SH3BP4: variants seen among roughly 807,000 people sequenced by gnomAD.
SH3BP4 encodes the protein SH3 domain-binding protein 4.
In SH3BP4, 33 loss-of-function variants were observed where a neutral mutation model predicts 65.5. That is an observed-to-expected ratio of 0.50 (90% CI 0.38 to 0.67). SH3BP4 has a LOEUF of 0.67. Among genes scored for constraint, SH3BP4 ranks in the 30% least tolerant of loss-of-function variants. The probability of loss-of-function intolerance (pLI) is 0.00; values close to 1 mark genes in which losing one functional copy is unlikely to be tolerated. For missense variants in SH3BP4, 1,134 were observed against 1,261.4 expected, an observed-to-expected ratio of 0.90 and a Z score of 1.53; for synonymous variants, 552 against 545.5, an observed-to-expected ratio of 1.01 and a Z score of -0.17.
At chr2:234,964,153 A>C (rs1692781588) in intron 1 of SH3BP4, among the ~76,000 whole-genome samples, 1 of 152,074 alleles carries the variant, frequency 6.6e-6, no homozygotes, top group Admixed American at 6.5e-5. Flanking sequence ...AACCCCAGCT[A>C]TGGGGATAAG....
At chr2:235,031,154 G>A (rs1317411116) in intron 2 of SH3BP4, among the ~76,000 whole-genome samples, 2 of 152,110 alleles carry the variant, frequency 1.3e-5, no homozygotes, top group Admixed American at 1.3e-4. Context: ...CCCTGGGAGT[G>A]GGACTTCCCT....
In SH3BP4 at chr2:235,034,463, A is replaced by T. The variant is rs1384866493; in HGVS notation, c.-132-408A>T. The stretch of plus-strand genomic sequence containing the variant: ...GACTGCCCCTGCGCTGGGATCAGCC[A>T]CTCTGAACAAGCAGAGGCCGATTTT... On this transcript the variant is annotated intron_variant, in intron 2 of 5. Coordinates refer to ENST00000392011, the MANE Select transcript of SH3BP4 (RefSeq NM_014521.3). This position sits in a 1 kb window ranked among gnomAD's most constrained non-coding sequence, Gnocchi z 6.2. Among the ~76,000 whole-genome samples, 1 of 151,972 alleles carries T rather than the reference A, an allele frequency of 6.6e-6. No homozygotes were observed. Among genetic ancestry groups the T allele is most frequent in the Non-Finnish European group, 1.5e-5 (1 of 67,986 alleles).
rs777081596 is a variant in SH3BP4, at chr2:234,967,260, G to C, written c.-207+15090G>C. 4.6e-5 allele frequency among the ~76,000 whole-genome samples: 7 copies of C among 152,174 alleles called. No homozygotes were observed. Among genetic ancestry groups the C allele is most frequent in the Non-Finnish European group, 8.8e-5 (6 of 68,038 alleles). On this transcript the variant is annotated intron_variant, in intron 1 of 5. Coordinates refer to ENST00000392011, the MANE Select transcript of SH3BP4 (RefSeq NM_014521.3). The surrounding 1 kb of genome is among the most constrained non-coding windows in gnomAD (Gnocchi z 4.6). ...TCCAGGGTGAACAAGGTGCTTAACC[G>C]GGACCAGACTGGGGAGCAGGATGGG...
chr2:234,962,474 T>C (rs1285881506), intron 1 of SH3BP4, among the ~76,000 whole-genome samples: 1 of 152,136 alleles, frequency 6.6e-6, no homozygotes, highest in Non-Finnish European at 1.5e-5. Context: ...AAAAAAACCT[T>C]TTCTGCTTAT....
At chr2:235,038,291 T>TATAGTATATATA (rs1559254201) in intron 3 of SH3BP4, among the ~76,000 whole-genome samples, 14 of 19,302 alleles carry the variant, frequency 7.3e-4, no homozygotes, top group East Asian at 1.4e-3. Flanking sequence ...TTATATATAA[T>TATAGTATATATA]ATATATATTA....
At chr2:234,987,359 C>T (rs1379250861) in intron 1 of SH3BP4, among the ~76,000 whole-genome samples, 2 of 150,980 alleles carry the variant, frequency 1.3e-5, no homozygotes, top group Non-Finnish European at 2.9e-5. Flanking sequence ...CTGCCCTCAA[C>T]ATGGTCTACA....
chr2:235,051,008 C>T (rs1353588888), intron 4 of SH3BP4, among the ~76,000 whole-genome samples: 2 of 152,198 alleles, frequency 1.3e-5, no homozygotes, highest in African/African-American at 2.4e-5. Context: ...CGTCTCTGGG[C>T]TGCCTCAGGC....
Position 234,978,381 on chromosome 2 carries a change from G to T in SH3BP4, c.-206-16922G>T, listed in dbSNP as rs1451610152. Among the ~76,000 whole-genome samples, 2 of 152,186 alleles carry T rather than the reference G, an allele frequency of 1.3e-5. No individual in the cohort carries two copies. Among genetic ancestry groups the T allele is most frequent in the Non-Finnish European group, 2.9e-5 (2 of 68,042 alleles). ...ACAGCAGTGGTGCCAGGTGAGGAGG[G>T]TGGGTAAAAATGCAGGGTCCTCCTC... is the stretch of plus-strand genomic sequence containing the variant. On this transcript the variant is annotated intron_variant, in intron 1 of 5. Coordinates refer to ENST00000392011, the MANE Select transcript of SH3BP4 (RefSeq NM_014521.3). The surrounding 1 kb of genome is among the most constrained non-coding windows in gnomAD (Gnocchi z 4.1).
chr2:235,033,541 A>G lies in SH3BP4; in HGVS notation c.-132-1330A>G, dbSNP rs1337991544. ...CAGAATGCAGCCTTCTGAGGCCTTG[A>G]GATGGAAAGGACGCCTCCCTTGAGC... is the stretch of plus-strand genomic sequence containing the variant. On this transcript the variant is annotated intron_variant, in intron 2 of 5. Coordinates refer to ENST00000392011, the MANE Select transcript of SH3BP4 (RefSeq NM_014521.3). The surrounding 1 kb of genome is among the most constrained non-coding windows in gnomAD (Gnocchi z 5.7). 6.6e-6 allele frequency among the ~76,000 whole-genome samples: 1 copy of G among 152,212 alleles called. No individual in the cohort carries two copies. Among genetic ancestry groups the G allele is most frequent in the Admixed American group, 6.5e-5 (1 of 15,288 alleles).
chr2:234,967,853 T>C lies in SH3BP4; in HGVS notation c.-207+15683T>C, dbSNP rs990326297. On this transcript the variant is annotated intron_variant, in intron 1 of 5. Transcript: ENST00000392011. The surrounding 1 kb of genome is among the most constrained non-coding windows in gnomAD (Gnocchi z 4.6). ...GGCGGATGCTGCAGAGACAACTCTT[T>C]ATACCTGAGAAGCTTGCCCTCAGGT... Among the ~76,000 whole-genome samples, 3 of 152,182 alleles carry C rather than the reference T, an allele frequency of 2.0e-5. No individual in the cohort carries two copies. Among genetic ancestry groups the C allele is most frequent in the African/African-American group, 7.2e-5 (3 of 41,458 alleles).
intron 1 of SH3BP4, among the ~76,000 whole-genome samples, chr2:234,994,083 A>C (rs1693837772): frequency 1.3e-5 from 2 of 152,176 alleles, no homozygotes; most frequent in Admixed American, 6.5e-5. Flanking sequence ...GTCTACGTAG[A>C]GATCAACTAT....
At chr2:234,996,182 T>G (rs1249040143) in intron 2 of SH3BP4, among the ~76,000 whole-genome samples, 2 of 152,192 alleles carry the variant, frequency 1.3e-5, no homozygotes, top group African/African-American at 4.8e-5. Context: ...AAGTAAACGC[T>G]ACGTTTGGAT....
At chr2:234,989,864 G>A (rs968856598) in intron 1 of SH3BP4, among the ~76,000 whole-genome samples, 4 of 152,172 alleles carry the variant, frequency 2.6e-5, no homozygotes, top group African/African-American at 9.7e-5. Context: ...CTCTGGGTTG[G>A]ACAAGAATTT....
chr2:234,957,304 C>G (rs1692609666), intron 1 of SH3BP4, among the ~76,000 whole-genome samples: 1 of 152,118 alleles, frequency 6.6e-6, no homozygotes, highest in Non-Finnish European at 1.5e-5. Flanking sequence ...CAGATGCAAG[C>G]CACCATGCCC....
chr2:234,961,426 C>A (rs1205301956), intron 1 of SH3BP4, among the ~76,000 whole-genome samples: 4 of 152,098 alleles, frequency 2.6e-5, no homozygotes, highest in African/African-American at 9.7e-5. Flanking sequence ...TGTGCGCCAC[C>A]ATGCCCAGCT....
intron 1 of SH3BP4, among the ~76,000 whole-genome samples, chr2:234,989,067 G>A (rs551609283): frequency 6.6e-6 from 1 of 152,216 alleles, no homozygotes; most frequent in South Asian, 2.1e-4. Flanking sequence ...AAAGGCTTTT[G>A]TCCATCTATC....
intron 3 of SH3BP4, among the ~76,000 whole-genome samples, chr2:235,039,207 G>C (rs1695553976): frequency 6.6e-6 from 1 of 152,130 alleles, no homozygotes; most frequent in African/African-American, 2.4e-5. Flanking sequence ...GAGGTAGGTG[G>C]GGCTTCAAGG....
At chr2:235,038,355 TA>T (rs1390133181) in intron 3 of SH3BP4, among the ~76,000 whole-genome samples, 1 of 20,178 alleles carries the variant, frequency 5.0e-5, no homozygotes, top group East Asian at 1.1e-3. Flanking sequence ...ATATTTTATA[TA>T]TATATATATA....
intron 4 of SH3BP4, among the ~76,000 whole-genome samples, chr2:235,049,256 G>A (rs1376255297): frequency 6.6e-6 from 1 of 152,168 alleles, no homozygotes; most frequent in Non-Finnish European, 1.5e-5. Context: ...TGTTTCCCAG[G>A]ACCTTGGGGA....
Sources: allele counts gnomAD v4.1 joint callset (sites outside exome capture counted in the v4.1 genomes callset), GRCh38; gene constraint gnomAD v4.1.1; non-coding constraint Gnocchi (gnomAD v3.1); transcripts MANE v1.5; gene names NCBI Gene and HGNC (gene_info 2026-07-23, HGNC 2026-07-21).